Variants in PAPPA observed in about 807,000 individuals in gnomAD.
PAPPA encodes the protein pappalysin-1.
PAPPA carries 60 observed loss-of-function variants against 164.0 expected under a neutral mutation model. The observed-to-expected ratio is 0.37, with a 90% CI of 0.30 to 0.45. The LOEUF (loss-of-function observed/expected upper bound fraction) is 0.45, where lower values mean the gene tolerates loss of function less well. Ranked by LOEUF, PAPPA falls within the 20% of genes least tolerant of loss-of-function variation. The pLI, the probability that PAPPA is intolerant of heterozygous loss-of-function variation, is 1.00. For synonymous variants in PAPPA, 875 were observed against 814.1 expected, an observed-to-expected ratio of 1.07 and a Z score of -1.27; for missense variants, 1,782 against 2,087.3, an observed-to-expected ratio of 0.85 and a Z score of 2.85.
Position 116,398,900 on chromosome 9 carries a change from T to C in PAPPA, c.*2284T>C. 2.8e-6 allele frequency: 1 copy of C among 355,994 alleles called. No individual in the cohort carries two copies. 22.1% of individuals were successfully genotyped at this position (355,994 alleles called of 1,614,324 possible). ...GAACCCCTCTCCAGTATCTTCACAC[T>C]CTTGTCAACTCTCCAGGCCTCTCTC... On this transcript the variant is annotated 3_prime_UTR_variant, in exon 22 of 22. Transcript: ENST00000328252.
chr9:116,353,493 C>G, intron 16 of PAPPA, 129 bp from the exon 17 acceptor site: 1 of 781,348 alleles, frequency 1.3e-6, no homozygotes, highest in Non-Finnish European at 2.1e-6. Context: ...CCCACCAGAA[C>G]CCAATAGGTC....
At chr9:116,183,776 A>T (rs962045366) in intron 1 of PAPPA, among the ~76,000 whole-genome samples, 5 of 151,956 alleles carry the variant, frequency 3.3e-5, no homozygotes, top group Admixed American at 1.3e-4. Context: ...TCTGCCTCCC[A>T]TGGCTAAGCC....
intron 7 of PAPPA, among the ~76,000 whole-genome samples, chr9:116,258,002 T>C (rs1012771107): frequency 6.6e-6 from 1 of 151,890 alleles, no homozygotes; most frequent in Non-Finnish European, 1.5e-5. Flanking sequence ...ATGCTTAGAG[T>C]AAGGCATATA....
Position 116,154,612 on chromosome 9 carries a change from G to A in PAPPA, c.415+25G>A. 7.7e-7 allele frequency: 1 copy of A among 1,307,106 alleles called. No homozygotes were observed. The highest frequency in any genetic ancestry group is 1.5e-5 in the African/African-American group (1 of 64,966). The allele number at this position is 1,307,106 out of a possible 1,614,324, so 81.0% of individuals were successfully genotyped here. On this transcript the variant is annotated intron_variant, in intron 1 of 21. Coordinates refer to ENST00000328252, the MANE Select transcript of PAPPA (RefSeq NM_002581.5). The surrounding 1 kb of genome is among the most constrained non-coding windows in gnomAD (Gnocchi z 5.2). The stretch of plus-strand genomic sequence containing the variant: ...GGTAGGTGAGGGCGCCTCGGCGGGC[G>A]CTGCACCGTCCCTGCGGCCCCAGAG...
At chr9:116,333,415 G>C (rs1206328050) in intron 12 of PAPPA, among the ~76,000 whole-genome samples, 3 of 152,116 alleles carry the variant, frequency 2.0e-5, no homozygotes, top group African/African-American at 7.2e-5. Flanking sequence ...GTCTACCCTG[G>C]AGAGCTCTGG....
intron 12 of PAPPA, 27 bp downstream of exon 12, chr9:116,332,495 T>C (rs1846006813): frequency 1.3e-6 from 2 of 1,593,680 alleles, no homozygotes; most frequent in South Asian, 2.2e-5. Flanking sequence ...GGTCTTGGCT[T>C]GCTTTCAGTA....
intron 21 of PAPPA, among the ~76,000 whole-genome samples, chr9:116,391,424 C>A (rs1846891646): frequency 6.6e-6 from 1 of 152,194 alleles, no homozygotes; most frequent in African/African-American, 2.4e-5. Context: ...CTCTGACCAT[C>A]AGCACAACAT....
chr9:116,281,114 CT>C (rs1307287078), intron 9 of PAPPA, among the ~76,000 whole-genome samples: 2 of 152,100 alleles, frequency 1.3e-5, no homozygotes, highest in African/African-American at 4.8e-5. Context: ...TAATCTAGAG[CT>C]GATTTAAAGT....
rs1320459423 is a variant in PAPPA at position 116,398,536 on chromosome 9, C to G, written c.*1920C>G. On this transcript the variant is annotated 3_prime_UTR_variant, in exon 22 of 22. Coordinates refer to ENST00000328252, the MANE Select transcript of PAPPA (RefSeq NM_002581.5). ...CTTTAGGAACCACCATATTATATCA[C>G]TCCCAATAGCACTGACCTGGTGATC... The G allele has an allele frequency of 7.1e-6, 9 of 1,260,932 alleles. No homozygotes were observed. Among genetic ancestry groups the G allele is most frequent in the Non-Finnish European group, 9.3e-6 (9 of 967,252 alleles). 78.1% of individuals were successfully genotyped at this position (1,260,932 alleles called of 1,614,324 possible).
chr9:116,228,837 C>T (rs764179647), intron 6 of PAPPA, among the ~76,000 whole-genome samples: 44 of 152,024 alleles, frequency 2.9e-4, no homozygotes, highest in Non-Finnish European at 1.6e-4. Flanking sequence ...AGGAAGTTCT[C>T]GAAATCTGCA....
chr9:116,352,790 C>A lies in PAPPA; in HGVS notation c.4049C>A (p.Pro1350His). 2 of 1,613,980 alleles carry A rather than the reference C, an allele frequency of 1.2e-6. No homozygotes were observed. The highest frequency in any genetic ancestry group is 1.7e-6 in the Non-Finnish European group (2 of 1,179,968). The change falls in exon 16 of 22, where the codon CCC (proline) becomes CAC (histidine). Residue 1350 changes from proline (P) to histidine (H), a missense_variant. Pro to His is a moderately conservative substitution (Grantham distance 77). Coordinates refer to ENST00000328252, the MANE Select transcript of PAPPA (RefSeq NM_002581.5). ...ALCELMCLAP[P>H]PVPNADLQTA... is the part of the protein sequence containing the mutation. ...TGTGAGCTCATGTGCCTCGCTCCAC[C>A]CCCTGTGCCCAATGCAGACCTCCAG...
In PAPPA at chr9:116,158,033, AG is replaced by A. The variant is rs1454458620; in HGVS notation, c.415+3447del. On this transcript the variant is annotated intron_variant, in intron 1 of 21. Transcript: ENST00000328252. ...AGATAAGTGAAATGTGGACCCCACA[AG>A]TACTGCCCTCCTCCCACCCCTGTCC... 2.0e-5 allele frequency among the ~76,000 whole-genome samples: 3 copies of A among 152,176 alleles called. No homozygotes were observed. In the East Asian group the frequency reaches 5.8e-4, roughly 29 times the overall value.
Position 116,353,742 on chromosome 9 carries a change from C to T in PAPPA, c.4296C>T (p.Phe1432=). The change falls in exon 17 of 22, where the codon TTC becomes TTT. Residue 1432 remains phenylalanine, a synonymous_variant. Transcript: ENST00000328252. ...FHGLYQCTNG[F]QFNSECRIKC... ...GGCTCTACCAGTGTACTAATGGCTTCCAGTTCAACAGTGAGTGTAGGATCA... is the reference window on the plus strand; with the variant it reads ...GGCTCTACCAGTGTACTAATGGCTTTCAGTTCAACAGTGAGTGTAGGATCA... 6.2e-7 allele frequency: 1 copy of T among 1,614,110 alleles called. No homozygotes were observed.
intron 4 of PAPPA, among the ~76,000 whole-genome samples, chr9:116,215,455 G>C (rs1039282068): frequency 3.3e-5 from 5 of 152,172 alleles, no homozygotes; most frequent in Non-Finnish European, 5.9e-5. Context: ...CATGGTTGGA[G>C]CTGGAAGCCA....
At chr9:116,363,157 A>AT (rs1846451753) in intron 18 of PAPPA, among the ~76,000 whole-genome samples, 1 of 152,232 alleles carries the variant, frequency 6.6e-6, no homozygotes, top group South Asian at 2.1e-4. Context: ...AGCTTCTTTT[A>AT]TTATTAATCT....
Position 116,154,161 on chromosome 9 carries a change from G to GGGGGGGGGGGGGGGGGC in PAPPA, c.-12_-11insGGGGGGGGGGGGGGGGC. On this transcript the variant is annotated 5_prime_UTR_variant, in exon 1 of 22. Transcript: ENST00000328252. This position sits in a 1 kb window ranked among gnomAD's most constrained non-coding sequence, Gnocchi z 5.2. The stretch of plus-strand genomic sequence containing the variant: ...TGCAGGGGCGAAGGGGGGGCGGGGG[G>GGGGGGGGGGGGGGGGGC]AACCGTCGGACATGCGGCTCTGGAG... 1 of 1,224,428 alleles carries GGGGGGGGGGGGGGGGGC rather than the reference G, an allele frequency of 8.2e-7. No individual in the cohort carries two copies. Among genetic ancestry groups the GGGGGGGGGGGGGGGGGC allele is most frequent in the Non-Finnish European group, 1.1e-6 (1 of 926,418 alleles). 75.8% of individuals were successfully genotyped at this position (1,224,428 alleles called of 1,614,324 possible). A position where few individuals can be genotyped will look rare whatever the true frequency, so the allele number is the denominator to read the frequency against.
chr9:116,222,211 A>C (rs148881393), intron 5 of PAPPA, among the ~76,000 whole-genome samples: 38 of 152,348 alleles, frequency 2.5e-4, no homozygotes, highest in African/African-American at 7.9e-4. Flanking sequence ...AAAATATAGA[A>C]GCAACCTAGG....
intron 2 of PAPPA, among the ~76,000 whole-genome samples, chr9:116,207,198 G>A (rs1844246563): frequency 6.6e-6 from 1 of 152,144 alleles, no homozygotes; most frequent in South Asian, 2.1e-4. Flanking sequence ...AGCCTCTGGA[G>A]ATAACGATAC....
At chr9:116,180,570 A>G (rs1303291123) in intron 1 of PAPPA, among the ~76,000 whole-genome samples, 2 of 152,220 alleles carry the variant, frequency 1.3e-5, no homozygotes, top group African/African-American at 4.8e-5. Flanking sequence ...TTTTCACAGC[A>G]GAAATGTCCT....
Sources: allele counts gnomAD v4.1 joint callset (sites outside exome capture counted in the v4.1 genomes callset), GRCh38; gene constraint gnomAD v4.1.1; non-coding constraint Gnocchi (gnomAD v3.1); transcripts MANE v1.5; gene names NCBI Gene and HGNC (gene_info 2026-07-23, HGNC 2026-07-21).